Variants in TSEN2 observed in about 807,000 individuals in gnomAD.
TSEN2 encodes the protein tRNA splicing endonuclease subunit 2, also known as tRNA-splicing endonuclease subunit Sen2.
In TSEN2, 54 loss-of-function variants were observed where a neutral mutation model predicts 59.2. The observed-to-expected ratio is 0.91, with a 90% CI of 0.73 to 1.14. TSEN2 has a LOEUF of 1.14. Among genes scored for constraint, TSEN2 ranks in the 50% most tolerant of loss-of-function variants. TSEN2 has a pLI of 0.00. For synonymous variants in TSEN2, 195 were observed against 198.2 expected, an observed-to-expected ratio of 0.98 and a Z score of 0.14; for missense variants, 636 against 576.2, an observed-to-expected ratio of 1.10 and a Z score of -1.06.
chr3:12,518,508 TTTC>T (rs368276885), intron 7 of TSEN2, among the ~76,000 whole-genome samples: 2 of 152,230 alleles, frequency 1.3e-5, no homozygotes, highest in Non-Finnish European at 2.9e-5. Flanking sequence ...AATGCTGCCT[TTTC>T]TAAGTCCTCT....
At chr3:12,530,445 A>C in intron 10 of TSEN2, 3 of 985,678 alleles carry the variant, frequency 3.0e-6, no homozygotes, top group Non-Finnish European at 3.6e-6. Context: ...CTTTTGTTTC[A>C]CTATATCCTT....
At chr3:12,512,723 C>G (rs1239818553) in intron 6 of TSEN2, among the ~76,000 whole-genome samples, 2 of 152,240 alleles carry the variant, frequency 1.3e-5, no homozygotes, top group Non-Finnish European at 2.9e-5. Flanking sequence ...CTGCTTTTAG[C>G]CAGTGACATT....
chr3:12,494,802 T>C (rs2053578068), intron 3 of TSEN2, among the ~76,000 whole-genome samples: 1 of 152,052 alleles, frequency 6.6e-6, no homozygotes, highest in African/African-American at 2.4e-5. Context: ...AGATTTGACT[T>C]TGTAACCATA....
At chr3:12,503,851 A>T in intron 5 of TSEN2, 67 bp downstream of exon 5, 1 of 1,557,020 alleles carries the variant, frequency 6.4e-7, no homozygotes, top group Non-Finnish European at 8.7e-7. Flanking sequence ...GCTAATAGGG[A>T]TGTCTTTTGC....
chr3:12,495,655 C>T (rs1459026446), intron 3 of TSEN2, among the ~76,000 whole-genome samples: 1 of 152,206 alleles, frequency 6.6e-6, no homozygotes, highest in Non-Finnish European at 1.5e-5. Flanking sequence ...TAAGCAGCAA[C>T]CATAGTAGTC....
At position 12,503,415 on chromosome 3, in the gene TSEN2, C is replaced by A. The variant is rs761769383; in HGVS notation, c.462C>A (p.Asn154Lys). 3.2e-5 allele frequency: 51 copies of A among 1,614,070 alleles called. No individual in the cohort carries two copies. The highest frequency in any genetic ancestry group is 4.2e-5 in the Non-Finnish European group (50 of 1,180,050). ...NEEAQVHDKL[N>K]SGMVSNMEGT... ...AGGCTCAAGTGCATGACAAGCTTAACTCTGGAATGGTTTCCAACATGGAAG... is the reference window on the plus strand; with the variant it reads ...AGGCTCAAGTGCATGACAAGCTTAAATCTGGAATGGTTTCCAACATGGAAG... Residue 154 changes from asparagine (N) to lysine (K), a missense_variant, in exon 5 of 12, where the codon AAC becomes AAA. Asn to Lys is a moderately conservative substitution (Grantham distance 94). Transcript: ENST00000284995.
intron 2 of TSEN2, among the ~76,000 whole-genome samples, chr3:12,491,592 T>C (rs921250798): frequency 3.9e-5 from 6 of 152,256 alleles, no homozygotes; most frequent in Admixed American, 1.3e-4. Flanking sequence ...GCATTAGTTA[T>C]GGGATAAATG....
chr3:12,533,130 C>G lies in TSEN2; in HGVS notation c.*409C>G, dbSNP rs1441763720. 3.7e-6 allele frequency: 1 copy of G among 270,988 alleles called. No individual in the cohort carries two copies. The highest frequency in any genetic ancestry group is 7.1e-6 in the Non-Finnish European group (1 of 140,802). 16.8% of individuals were successfully genotyped at this position (270,988 alleles called of 1,614,324 possible). The stretch of plus-strand genomic sequence containing the variant: ...GAAGCACTTTCATACGCAGGCATCT[C>G]TTGTTACCTACATCTAAGCTGTTCC... On this transcript the variant is annotated 3_prime_UTR_variant, in exon 12 of 12. Transcript: ENST00000284995.
At position 12,516,582 on chromosome 3, in the gene TSEN2, T is replaced by G. The variant is rs2056142980; in HGVS notation, c.910-29T>G. 2.5e-6 allele frequency: 4 copies of G among 1,612,126 alleles called. No individual in the cohort carries two copies. In the South Asian group the frequency reaches 3.3e-5, roughly 13 times the overall value. On this transcript the variant is annotated intron_variant, in intron 6 of 11. Coordinates refer to ENST00000284995, the MANE Select transcript of TSEN2 (RefSeq NM_025265.4). ...CACAAGAATGTGAAACTATTTGTAA[T>G]GAGCATTTTCTGCTTGCTGTATTTT...
At chr3:12,486,609 G>A (rs1248684522) in intron 1 of TSEN2, among the ~76,000 whole-genome samples, 1 of 152,168 alleles carries the variant, frequency 6.6e-6, no homozygotes, top group African/African-American at 2.4e-5. Flanking sequence ...CGAGTCAGTG[G>A]TCTTCGTATT....
chr3:12,512,068 C>T (rs184069305), intron 6 of TSEN2, among the ~76,000 whole-genome samples: 107 of 152,254 alleles, frequency 7.0e-4, no homozygotes, highest in African/African-American at 2.4e-3. Flanking sequence ...TCAGATGTAA[C>T]GTTCTCCTTC....
chr3:12,507,820 T>C (rs776904338), intron 6 of TSEN2, among the ~76,000 whole-genome samples: 9 of 152,146 alleles, frequency 5.9e-5, no homozygotes, highest in Non-Finnish European at 1.2e-4. Flanking sequence ...AATGAATGAA[T>C]GTACAAGATA....
chr3:12,505,778 T>C lies in TSEN2; in HGVS notation c.909+547T>C, dbSNP rs1338481794. ...CAGCCTGGGTGACAGAATGAAACTC[T>C]GTCTCAAAAAAAAAAAAAAAAAAAA... On this transcript the variant is annotated intron_variant, in intron 6 of 11. Transcript: ENST00000284995. Among the ~76,000 whole-genome samples the C allele has an allele frequency of 1.3e-4, 16 of 125,922 alleles. No individual in the cohort carries two copies. In the South Asian group the frequency reaches 2.8e-3, roughly 22 times the overall value. The allele number at this position is 125,922 out of a possible 152,430, so 82.6% of individuals were successfully genotyped here.
chr3:12,481,029 A>G (rs2124841061), upstream of TSEN2, among the ~76,000 whole-genome samples: 1 of 152,340 alleles, frequency 6.6e-6, no homozygotes, highest in Middle Eastern at 3.4e-3. Flanking sequence ...ATTAAATAAG[A>G]TCATGGATGC....
At chr3:12,516,714 G>A in intron 7 of TSEN2, 53 bp downstream of exon 7, 2 of 1,530,528 alleles carry the variant, frequency 1.3e-6, no homozygotes, top group Non-Finnish European at 9.1e-7. Flanking sequence ...GTTGTTAAAA[G>A]CAGGTTGTAC....
chr3:12,513,261 A>G (rs893645446), intron 6 of TSEN2, among the ~76,000 whole-genome samples: 2 of 152,244 alleles, frequency 1.3e-5, no homozygotes, highest in Non-Finnish European at 2.9e-5. Context: ...ATATCAAGAA[A>G]GAATCTCTTA....
upstream of TSEN2, among the ~76,000 whole-genome samples, chr3:12,483,160 G>A (rs1160804111): frequency 6.6e-6 from 1 of 152,214 alleles, no homozygotes; most frequent in Non-Finnish European, 1.5e-5. Flanking sequence ...AGGATCGCTT[G>A]AGGTCAGGAG....
upstream of TSEN2, among the ~76,000 whole-genome samples, chr3:12,484,030 T>G (rs1055259152): frequency 3.3e-5 from 5 of 152,162 alleles, no homozygotes; most frequent in African/African-American, 1.2e-4. Context: ...AGAGAAAACG[T>G]CCTTGCAAGT....
chr3:12,519,801 T>C (rs2056478482), intron 8 of TSEN2, among the ~76,000 whole-genome samples: 3 of 152,144 alleles, frequency 2.0e-5, no homozygotes, highest in South Asian at 4.2e-4. Context: ...TCTCTAGCCA[T>C]GAGATCGGGT....
Sources: gnomAD v4.1 joint callset for allele counts (sites outside exome capture counted in the v4.1 genomes callset) on GRCh38, gnomAD v4.1.1 for gene constraint, MANE v1.5 for transcripts, NCBI Gene and HGNC (gene_info 2026-07-23, HGNC 2026-07-21) for gene names.